FSTL4: variants seen among roughly 807,000 people sequenced by gnomAD.
The protein encoded by FSTL4 is follistatin like 4.
Under a neutral mutation model 78.2 loss-of-function variants are expected in FSTL4, and 28 were observed. That is an observed-to-expected ratio of 0.36 (90% CI 0.27 to 0.49). The LOEUF (loss-of-function observed/expected upper bound fraction) is 0.49. FSTL4 is among the 20% of genes least tolerant of loss of function. The pLI is 0.98. For missense variants in FSTL4, 922 were observed against 1,084.9 expected (o/e 0.85, Z 2.11); for synonymous variants, 422 against 440.5 (o/e 0.96, Z 0.53).
intron 4 of FSTL4, among the ~76,000 whole-genome samples, chr5:133,345,955 C>T (rs766827136): frequency 3.3e-5 from 5 of 152,176 alleles, no homozygotes; most frequent in Admixed American, 6.5e-5. Flanking sequence ...ATGTTTATTG[C>T]GCCACTATTC....
chr5:133,841,789 C>G, the FSTL4 span, among the ~76,000 whole-genome samples: 1 of 152,240 alleles, frequency 6.6e-6, no homozygotes, highest in Non-Finnish European at 1.5e-5. Context: ...GAGCCCCTCA[C>G]CTGCCATCAC....
the FSTL4 span, among the ~76,000 whole-genome samples, chr5:133,834,692 T>C: frequency 6.6e-6 from 1 of 152,088 alleles, no homozygotes; most frequent in Non-Finnish European, 1.5e-5. Flanking sequence ...TCAGAAAAAA[T>C]AAGCATTAAA....
the FSTL4 span, among the ~76,000 whole-genome samples, chr5:133,837,555 TAG>T: frequency 6.6e-6 from 1 of 152,196 alleles, no homozygotes; most frequent in South Asian, 2.1e-4. Flanking sequence ...TGGTGGCAGT[TAG>T]AGTAGGAAGA....
At chr5:133,835,159 A>T in the FSTL4 span, among the ~76,000 whole-genome samples, 1 of 152,232 alleles carries the variant, frequency 6.6e-6, no homozygotes, top group Non-Finnish European at 1.5e-5. Flanking sequence ...CCATGATTCT[A>T]TATCATCACT....
chr5:133,268,149 AG>A (rs1225630112), intron 6 of FSTL4, among the ~76,000 whole-genome samples: 2 of 152,256 alleles, frequency 1.3e-5, no homozygotes, highest in Non-Finnish European at 2.9e-5. Context: ...CAGAGACATC[AG>A]GTAATCAGAA....
intron 6 of FSTL4, among the ~76,000 whole-genome samples, chr5:133,263,650 A>G (rs1408468613): frequency 1.3e-5 from 2 of 152,176 alleles, no homozygotes; most frequent in Non-Finnish European, 2.9e-5. Context: ...GAGAAGGTGA[A>G]GAGGCATTCT....
At chr5:133,417,323 A>G (rs181762837) in intron 3 of FSTL4, among the ~76,000 whole-genome samples, 325 of 151,836 alleles carry the variant, frequency 2.1e-3, no homozygotes, top group Middle Eastern at 0.01. Flanking sequence ...AAAGGCCTGT[A>G]CTGAAGCACA....
At chr5:133,299,282 C>A (rs1228286324) in intron 6 of FSTL4, among the ~76,000 whole-genome samples, 3 of 152,214 alleles carry the variant, frequency 2.0e-5, no homozygotes, top group Non-Finnish European at 4.4e-5. Flanking sequence ...GAAGGGCCTA[C>A]ATGGCCAGAT....
the FSTL4 span, among the ~76,000 whole-genome samples, chr5:133,764,238 A>G: frequency 6.6e-6 from 1 of 152,108 alleles, no homozygotes; most frequent in Non-Finnish European, 1.5e-5. Context: ...CAGCCTTCCT[A>G]GAAAACCAAA....
the FSTL4 span, among the ~76,000 whole-genome samples, chr5:133,779,351 C>A: frequency 6.6e-6 from 1 of 152,240 alleles, no homozygotes; most frequent in Middle Eastern, 3.4e-3. Flanking sequence ...CTTTGGGAAG[C>A]CAAGGCGGGT....
At chr5:133,779,261 A>G in the FSTL4 span, among the ~76,000 whole-genome samples, 1 of 152,090 alleles carries the variant, frequency 6.6e-6, no homozygotes. Flanking sequence ...TCCATTCTCG[A>G]CATGGTGACC....
intron 4 of FSTL4, among the ~76,000 whole-genome samples, chr5:133,363,549 G>A (rs894245539): frequency 3.9e-5 from 6 of 152,150 alleles, no homozygotes; most frequent in Admixed American, 2.0e-4. Flanking sequence ...ATGGCCAGCC[G>A]CAATGTAGGT....
the FSTL4 span, among the ~76,000 whole-genome samples, chr5:133,798,557 G>T: frequency 6.6e-6 from 1 of 151,776 alleles, no homozygotes; most frequent in Non-Finnish European, 1.5e-5. Flanking sequence ...TTAACTAAGG[G>T]AGAGCTGAAA....
In FSTL4 at chr5:133,422,771, A is replaced by C. The variant is rs533802338; in HGVS notation, c.161-21785T>G. Among the ~76,000 whole-genome samples, 4 of 152,354 alleles carry C rather than the reference A, an allele frequency of 2.6e-5. No homozygotes were observed. The East Asian group carries it at 7.7e-4, about 29-fold the overall frequency. ...AATTACTCTTAGACAATTATCGAGCATGGTAATTTGTGAAATTTAACAATT... is the reference window on the plus strand; with the variant it reads ...AATTACTCTTAGACAATTATCGAGCCTGGTAATTTGTGAAATTTAACAATT... On this transcript the variant is annotated intron_variant, in intron 3 of 15. Coordinates refer to ENST00000265342, the MANE Select transcript of FSTL4 (RefSeq NM_015082.2).
the FSTL4 span, among the ~76,000 whole-genome samples, chr5:133,683,926 G>C: frequency 1.3e-5 from 2 of 152,178 alleles, no homozygotes; most frequent in Non-Finnish European, 2.9e-5. Context: ...GACCCTGGAC[G>C]TGGGCTCTGC....
intron 4 of FSTL4, among the ~76,000 whole-genome samples, chr5:133,383,489 C>T (rs1210852030): frequency 2.0e-5 from 3 of 152,156 alleles, no homozygotes; most frequent in African/African-American, 7.2e-5. Context: ...GATCTCCATC[C>T]CATTGAATGA....
intron 3 of FSTL4, among the ~76,000 whole-genome samples, chr5:133,482,719 A>G (rs1454694254): frequency 6.6e-6 from 1 of 152,190 alleles, no homozygotes; most frequent in African/African-American, 2.4e-5. Flanking sequence ...AGGTGTTGGT[A>G]TGCACGAGAG....
the FSTL4 span, among the ~76,000 whole-genome samples, chr5:133,806,000 G>A: frequency 6.6e-6 from 1 of 152,290 alleles, no homozygotes; most frequent in South Asian, 2.1e-4. Context: ...CCATGTATGG[G>A]ATACCGCCTA....
chr5:133,749,160 CT>C, the FSTL4 span, among the ~76,000 whole-genome samples: 1 of 152,138 alleles, frequency 6.6e-6, no homozygotes, highest in East Asian at 1.9e-4. Context: ...CTTTGAATCC[CT>C]TAAGGAATGC....
Sources: allele counts gnomAD v4.1 joint callset (sites outside exome capture counted in the v4.1 genomes callset), GRCh38; gene constraint gnomAD v4.1.1; transcripts MANE v1.5; gene names NCBI Gene and HGNC (gene_info 2026-07-23, HGNC 2026-07-21).